Variants in ADORA2B observed in about 807,000 individuals in gnomAD.
The protein encoded by ADORA2B is adenosine receptor A2b.
Under a neutral mutation model 20.8 loss-of-function variants are expected in ADORA2B, and 18 were observed. The ratio of observed to expected loss-of-function variants is 0.87; its 90% CI spans 0.60 to 1.29. ADORA2B has a LOEUF of 1.29. Among genes scored for constraint, ADORA2B ranks in the 50% most tolerant of loss-of-function variants. The pLI, the probability that ADORA2B is intolerant of heterozygous loss-of-function variation, is 0.00. For synonymous variants in ADORA2B, 179 were observed against 178.3 expected (o/e 1.00, Z -0.03); for missense variants, 441 against 422.7 (o/e 1.04, Z -0.38).
chr17:15,883,524 T>C, the ADORA2B span, among the ~76,000 whole-genome samples: 52 of 152,266 alleles, frequency 3.4e-4, no homozygotes, highest in South Asian at 9.1e-3. Flanking sequence ...TCCTGAATTA[T>C]GATGGGGATT....
At chr17:15,907,831 A>C in the ADORA2B span, among the ~76,000 whole-genome samples, 1 of 152,360 alleles carries the variant, frequency 6.6e-6, no homozygotes, top group South Asian at 2.1e-4. Flanking sequence ...TGCTGATCGC[A>C]AAGTCTGTGG....
the ADORA2B span, among the ~76,000 whole-genome samples, chr17:15,885,449 C>T: frequency 1.3e-5 from 2 of 152,192 alleles, no homozygotes; most frequent in African/African-American, 2.4e-5. Context: ...CGTGGTGCGT[C>T]ACGCCTGTAA....
chr17:15,952,935 G>A (rs932938868), intron 1 of ADORA2B, among the ~76,000 whole-genome samples: 2 of 152,242 alleles, frequency 1.3e-5, no homozygotes, highest in African/African-American at 2.4e-5. Context: ...CACGGGCAGC[G>A]GGAACTCAAT....
chr17:15,919,147 G>A, the ADORA2B span, among the ~76,000 whole-genome samples: 1 of 152,208 alleles, frequency 6.6e-6, no homozygotes, highest in South Asian at 2.1e-4. Flanking sequence ...ACCTCTTGGG[G>A]AAGGAAACTG....
At chr17:15,893,809 G>A in the ADORA2B span, among the ~76,000 whole-genome samples, 1 of 152,154 alleles carries the variant, frequency 6.6e-6, no homozygotes, top group Non-Finnish European at 1.5e-5. Context: ...TCTTTACTTA[G>A]GTTTGTTTAT....
the ADORA2B span, among the ~76,000 whole-genome samples, chr17:15,855,177 C>CTTGAGGTGGATCCCA: frequency 1.3e-5 from 2 of 152,070 alleles, no homozygotes; most frequent in Admixed American, 6.6e-5. Context: ...GTGATCCACC[C>CTTGAGGTGGATCCCA]GCCTCGGCCT....
chr17:15,975,194 T>C lies in ADORA2B; in HGVS notation c.851T>C (p.Val284Ala). Residue 284 changes from valine (V) to alanine (A), a missense_variant, in exon 2 of 2, where the codon GTT becomes GCT. Val to Ala is a moderately conservative substitution (Grantham distance 64). Coordinates refer to ENST00000304222, the MANE Select transcript of ADORA2B (RefSeq NM_000676.4). ...ATTCTTCTGTCACATGCCAATTCAGTTGTCAATCCCATTGTCTATGCTTAC... is the reference window on the plus strand; with the variant it reads ...ATTCTTCTGTCACATGCCAATTCAGCTGTCAATCCCATTGTCTATGCTTAC... ...MAILLSHANS[V>A]VNPIVYAYRN... 1.9e-6 allele frequency: 3 copies of C among 1,614,176 alleles called. No homozygotes were observed. Among genetic ancestry groups the C allele is most frequent in the Non-Finnish European group, 2.5e-6 (3 of 1,180,040 alleles).
the ADORA2B span, among the ~76,000 whole-genome samples, chr17:15,930,487 G>GAAAAATT: frequency 1.3e-5 from 2 of 152,012 alleles, no homozygotes; most frequent in Non-Finnish European, 2.9e-5. Flanking sequence ...CTAGATACAG[G>GAAAAATT]GTTTCGCTGT....
chr17:15,871,177 G>A, the ADORA2B span, among the ~76,000 whole-genome samples: 1 of 152,148 alleles, frequency 6.6e-6, no homozygotes, highest in African/African-American at 2.4e-5. Flanking sequence ...GAAACTATGA[G>A]GAATAAAAAT....
the ADORA2B span, among the ~76,000 whole-genome samples, chr17:15,881,151 G>T: frequency 1.8e-3 from 276 of 152,216 alleles, 2 homozygotes; most frequent in African/African-American, 6.3e-3. Flanking sequence ...GCCCAGGCTG[G>T]AGTACAGTGG....
chr17:15,878,918 C>G, the ADORA2B span, among the ~76,000 whole-genome samples: 4 of 151,944 alleles, frequency 2.6e-5, no homozygotes, highest in Non-Finnish European at 5.9e-5. Context: ...TCTTACATAT[C>G]TGGGGGCAAA....
chr17:15,916,880 G>C, the ADORA2B span, among the ~76,000 whole-genome samples: 1 of 152,174 alleles, frequency 6.6e-6, no homozygotes, highest in Non-Finnish European at 1.5e-5. Context: ...TCAATAATTT[G>C]CCTAAAGCAG....
chr17:15,895,523 C>A, the ADORA2B span, among the ~76,000 whole-genome samples: 1 of 152,204 alleles, frequency 6.6e-6, no homozygotes, highest in Non-Finnish European at 1.5e-5. Flanking sequence ...AAACACAAAT[C>A]TGGGGGTCGT....
At chr17:15,858,025 T>A in the ADORA2B span, among the ~76,000 whole-genome samples, 2 of 141,852 alleles carry the variant, frequency 1.4e-5, no homozygotes, top group African/African-American at 5.0e-5. Flanking sequence ...GACACTTGGG[T>A]TGCATCCACC....
intron 1 of ADORA2B, among the ~76,000 whole-genome samples, chr17:15,953,573 C>T (rs79990008): frequency 6.6e-6 from 1 of 152,214 alleles, no homozygotes; most frequent in East Asian, 1.9e-4. Flanking sequence ...GCCTTCTCCC[C>T]TATGCCCCAC....
intron 1 of ADORA2B, among the ~76,000 whole-genome samples, chr17:15,973,545 C>T (rs1362353477): frequency 1.3e-5 from 2 of 152,206 alleles, no homozygotes; most frequent in East Asian, 1.9e-4. Context: ...GGCAGGCGAG[C>T]ATTACTGCCT....
At chr17:15,912,174 C>T in the ADORA2B span, among the ~76,000 whole-genome samples, 4 of 146,176 alleles carry the variant, frequency 2.7e-5, no homozygotes, top group African/African-American at 1.0e-4. Flanking sequence ...GAGATTGCAC[C>T]ATTGCACTCC....
chr17:15,957,358 T>C (rs1159394055), intron 1 of ADORA2B, among the ~76,000 whole-genome samples: 1 of 152,146 alleles, frequency 6.6e-6, no homozygotes, highest in East Asian at 1.9e-4. Flanking sequence ...GGAATTGATG[T>C]GCGTGAGATC....
the ADORA2B span, among the ~76,000 whole-genome samples, chr17:15,868,669 G>A: frequency 3.8e-5 from 5 of 132,424 alleles, 1 homozygote; most frequent in Non-Finnish European, 8.3e-5. Flanking sequence ...AGTCCCGGCT[G>A]CTTGGGAGGC....
Sources: gnomAD v4.1 joint callset for allele counts (sites outside exome capture counted in the v4.1 genomes callset) on GRCh38, gnomAD v4.1.1 for gene constraint, MANE v1.5 for transcripts, NCBI Gene and HGNC (gene_info 2026-07-23, HGNC 2026-07-21) for gene names.